The following BMP2K variants were observed in gnomAD, a reference collection of about 807,000 sequenced individuals.
BMP2K encodes BMP2 inducible kinase.
BMP2K carries 74 observed loss-of-function variants against 116.0 expected under a neutral mutation model. The ratio of observed to expected loss-of-function variants is 0.64; its 90% CI spans 0.53 to 0.77. The LOEUF (loss-of-function observed/expected upper bound fraction) is 0.77, where lower values mean the gene tolerates loss of function less well. Among genes scored for constraint, BMP2K ranks in the 30% least tolerant of loss-of-function variants. The pLI is 0.00. For synonymous variants in BMP2K, 486 were observed against 502.5 expected (o/e 0.97, Z 0.44); for missense variants, 1,365 against 1,403.6 (o/e 0.97, Z 0.44).
chr4:78,798,230 A>G (rs1728394665), intron 1 of BMP2K, among the ~76,000 whole-genome samples: 1 of 152,224 alleles, frequency 6.6e-6, no homozygotes, highest in African/African-American at 2.4e-5. Flanking sequence ...CTCAAGTGCC[A>G]GTAAGTCAGG....
At chr4:78,808,213 T>A (rs78762715) in intron 1 of BMP2K, among the ~76,000 whole-genome samples, 1 of 150,032 alleles carries the variant, frequency 6.7e-6, no homozygotes, top group South Asian at 2.1e-4. Flanking sequence ...TGCCACCACT[T>A]TTTCTAGTTT....
chr4:78,871,044 A>T lies in BMP2K; in HGVS notation c.1493A>T (p.Asp498Val). 1 of 1,605,298 alleles carries T rather than the reference A, an allele frequency of 6.2e-7. No homozygotes were observed. Among genetic ancestry groups the T allele is most frequent in the Non-Finnish European group, 8.5e-7 (1 of 1,179,784 alleles). Residue 498 changes from aspartate (D) to valine (V), a missense_variant, in exon 11 of 16, where the codon GAT becomes GTT. Asp to Val is a radical substitution (Grantham distance 152, BLOSUM62 -3). Transcript: ENST00000502613. The part of the protein sequence containing the change: ...HHHHHHHLLQ[D>V]AYMQQYQHAT... ...CACCACCACCACCACCTACTTCAAGATGCTTATATGCAGCAGGTAATTTTT... is the reference window on the plus strand; with the variant it reads ...CACCACCACCACCACCTACTTCAAGTTGCTTATATGCAGCAGGTAATTTTT...
chr4:78,903,862 T>A (rs1734143890), intron 15 of BMP2K, among the ~76,000 whole-genome samples: 1 of 151,898 alleles, frequency 6.6e-6, no homozygotes, highest in Admixed American at 6.6e-5. Context: ...ACTGTTGAAT[T>A]TTTGCTGGTG....
intron 1 of BMP2K, among the ~76,000 whole-genome samples, chr4:78,816,014 C>G (rs144588392): frequency 6.6e-6 from 1 of 152,160 alleles, no homozygotes; most frequent in African/African-American, 2.4e-5. Flanking sequence ...TCAAGGATTA[C>G]GTATTGCATA....
At chr4:78,847,812 A>G (rs1471168188) in intron 6 of BMP2K, among the ~76,000 whole-genome samples, 1 of 151,730 alleles carries the variant, frequency 6.6e-6, no homozygotes, top group Non-Finnish European at 1.5e-5. Flanking sequence ...TTGTTAGAAT[A>G]TAGACATCTC....
chr4:78,880,492 T>A (rs1732843069), intron 14 of BMP2K, among the ~76,000 whole-genome samples: 2 of 152,238 alleles, frequency 1.3e-5, no homozygotes, highest in Non-Finnish European at 2.9e-5. Context: ...ACTAAATTAG[T>A]ATTTTCAACT....
chr4:78,870,828 G>T lies in BMP2K; in HGVS notation c.1277G>T (p.Gly426Val). 1 of 1,614,042 alleles carries T rather than the reference G, an allele frequency of 6.2e-7. No homozygotes were observed. The highest frequency in any genetic ancestry group is 1.1e-5 in the South Asian group (1 of 91,068). ...GNGPEILLGQ[G>V]PPQQPPQQHR... ...GGCCCTGAAATTTTATTGGGTCAGG[G>T]ACCTCCTCAGCAGCCGCCACAGCAG... is the stretch of plus-strand genomic sequence containing the variant. Residue 426 changes from glycine (G) to valine (V), a missense_variant, in exon 11 of 16, where the codon GGA (glycine) becomes GTA (valine). Physicochemically the swap from Gly to Val is moderately radical, Grantham distance 109. This residue lies in a region of BMP2K where 762 missense variants were observed against 756.7 expected (regional missense o/e 1.01). Transcript: ENST00000502613.
chr4:78,852,156 CTGTG>C (rs1264441103), intron 7 of BMP2K, among the ~76,000 whole-genome samples: 1 of 151,494 alleles, frequency 6.6e-6, no homozygotes, highest in Non-Finnish European at 1.5e-5. Context: ...CTTTTTTTCT[CTGTG>C]TGTATGTAAT....
At chr4:78,804,939 T>C (rs1416574313) in intron 1 of BMP2K, among the ~76,000 whole-genome samples, 1 of 152,138 alleles carries the variant, frequency 6.6e-6, no homozygotes, top group Non-Finnish European at 1.5e-5. Context: ...AATTTATTAT[T>C]TTTTGGTTGC....
chr4:78,908,817 A>G (rs1734416914), intron 15 of BMP2K, among the ~76,000 whole-genome samples: 1 of 152,164 alleles, frequency 6.6e-6, no homozygotes, highest in South Asian at 2.1e-4. Context: ...TACATGAGAT[A>G]TGTTGATACA....
chr4:78,893,735 T>C (rs999571550), intron 15 of BMP2K, among the ~76,000 whole-genome samples: 2 of 152,172 alleles, frequency 1.3e-5, no homozygotes, highest in African/African-American at 4.8e-5. Context: ...CGAAATTCTT[T>C]AAAGTTTTCC....
chr4:78,891,091 G>C (rs945453848), intron 15 of BMP2K, among the ~76,000 whole-genome samples: 1 of 152,146 alleles, frequency 6.6e-6, no homozygotes, highest in African/African-American at 2.4e-5. Context: ...TCCCTAAACT[G>C]ATACCTGATT....
At chr4:78,825,412 A>G (rs1729821206) in intron 1 of BMP2K, among the ~76,000 whole-genome samples, 1 of 152,166 alleles carries the variant, frequency 6.6e-6, no homozygotes, top group South Asian at 2.1e-4. Context: ...TAAACATCAT[A>G]GGCAACAAAA....
chr4:78,902,531 C>T (rs925518577), intron 15 of BMP2K, among the ~76,000 whole-genome samples: 2 of 152,080 alleles, frequency 1.3e-5, no homozygotes, highest in African/African-American at 4.8e-5. Context: ...GCTGCCAATT[C>T]AAAGTGAACT....
At chr4:78,787,927 G>T (rs562173167) in intron 1 of BMP2K, among the ~76,000 whole-genome samples, 130 of 152,114 alleles carry the variant, frequency 8.5e-4, no homozygotes, top group African/African-American at 3.1e-3. Flanking sequence ...ATTTTTGCTG[G>T]TTGGACCATT....
rs191472142 is a variant in BMP2K, at chr4:78,805,662, C to G, written c.179-20375C>G. 2.1e-3 allele frequency among the ~76,000 whole-genome samples: 324 copies of G among 152,152 alleles called. 1 individual carries two copies. Among genetic ancestry groups the G allele is most frequent in the African/African-American group, 7.1e-3 (297 of 41,540 alleles). On this transcript the variant is annotated intron_variant, in intron 1 of 15. Transcript: ENST00000502613. ...TTAATTTATTTCAGATTGTTCATTGCTAGTGTATAGAAATACAGTTCCTTT... is the reference window on the plus strand; with the variant it reads ...TTAATTTATTTCAGATTGTTCATTGGTAGTGTATAGAAATACAGTTCCTTT...
At position 78,916,085 on chromosome 4, in the gene BMP2K, TG is replaced by T. The variant is rs1560565841; in HGVS notation, c.*4053del. 6.6e-6 allele frequency: 1 copy of T among 151,924 alleles called. No individual in the cohort carries two copies. Among genetic ancestry groups the T allele is most frequent in the Non-Finnish European group, 1.5e-5 (1 of 67,852 alleles). The allele number at this position is 151,924 out of a possible 1,614,324, so 9.4% of individuals were successfully genotyped here. On this transcript the variant is annotated 3_prime_UTR_variant, in exon 16 of 16. Transcript: ENST00000502613. ...ATTTCTACTTGTTACAAAACATACT[TG>T]CTAAAGTAACTTCAGTCCTCAAATA...
At chr4:78,895,534 A>G (rs1733656547) in intron 15 of BMP2K, among the ~76,000 whole-genome samples, 1 of 152,114 alleles carries the variant, frequency 6.6e-6, no homozygotes, top group Non-Finnish European at 1.5e-5. Flanking sequence ...ATACTAGAAG[A>G]AATAAAAGAA....
chr4:78,868,368 T>C (rs921695345), intron 10 of BMP2K, among the ~76,000 whole-genome samples: 9 of 152,168 alleles, frequency 5.9e-5, no homozygotes, highest in Admixed American at 5.9e-4. Context: ...TACCTCCCCC[T>C]GGGTCCGTCC....
Sources: gnomAD v4.1 joint callset for allele counts (sites outside exome capture counted in the v4.1 genomes callset) on GRCh38, gnomAD v4.1.1 for gene constraint, gnomAD v4.1.1 regional missense constraint, MANE v1.5 for transcripts, NCBI Gene and HGNC (gene_info 2026-07-23, HGNC 2026-07-21) for gene names.